KLRF2: variants seen among roughly 807,000 people sequenced by gnomAD.
KLRF2 encodes the protein killer cell lectin like receptor F2, also known as killer cell lectin-like receptor subfamily F member 2.
Under a neutral mutation model 25.3 loss-of-function variants are expected in KLRF2, and 28 were observed. The ratio of observed to expected loss-of-function variants is 1.11; its 90% CI spans 0.82 to 1.52. The LOEUF is 1.52. Among genes scored for constraint, KLRF2 ranks in the 40% most tolerant of loss-of-function variants. KLRF2 has a pLI of 0.00. For missense variants in KLRF2, 265 were observed against 245.8 expected, an observed-to-expected ratio of 1.08 and a Z score of -0.52; for synonymous variants, 73 against 85.0, an observed-to-expected ratio of 0.86 and a Z score of 0.78.
chr12:9,885,074 T>G (rs1868135421), intron 2 of KLRF2, 42 bp downstream of exon 2: 1 of 712,128 alleles, frequency 1.4e-6, no homozygotes, highest in African/African-American at 1.8e-5. Context: ...TTTCAGAAGA[T>G]AAATGTTGAT....
chr12:9,894,120 T>C (rs1862723974), intron 5 of KLRF2, among the ~76,000 whole-genome samples: 1 of 108,706 alleles, frequency 9.2e-6, no homozygotes, highest in Non-Finnish European at 1.8e-5. Context: ...TTTTTCTTTC[T>C]TTTCTTTCTC....
intron 2 of KLRF2, among the ~76,000 whole-genome samples, chr12:9,887,568 G>C (rs909455668): frequency 6.6e-6 from 1 of 152,118 alleles, no homozygotes; most frequent in Non-Finnish European, 1.5e-5. Flanking sequence ...GGCTAACTTT[G>C]GATAGAATGA....
chr12:9,894,729 T>A (rs550836221), intron 5 of KLRF2, among the ~76,000 whole-genome samples: 1 of 152,210 alleles, frequency 6.6e-6, no homozygotes, highest in Non-Finnish European at 1.5e-5. Flanking sequence ...CCTGGATACA[T>A]CTATTCTACA....
At chr12:9,888,054 C>CAAAAAAAAAAAAAAAAAAAAA in intron 2 of KLRF2, among the ~76,000 whole-genome samples, 1 of 65,528 alleles carries the variant, frequency 1.5e-5, no homozygotes, top group Non-Finnish European at 2.6e-5. Flanking sequence ...GACCCTGTGT[C>CAAAAAAAAAAAAAAAAAAAAA]AAAAAAAAAA....
At chr12:9,891,205 T>A (rs1862672625) in intron 3 of KLRF2, among the ~76,000 whole-genome samples, 1 of 152,214 alleles carries the variant, frequency 6.6e-6, no homozygotes, top group Non-Finnish European at 1.5e-5. Flanking sequence ...GAAACCTGCC[T>A]GGCCCACGAC....
At chr12:9,886,781 AAG>A (rs1208094836) in intron 2 of KLRF2, among the ~76,000 whole-genome samples, 26 of 145,156 alleles carry the variant, frequency 1.8e-4, no homozygotes, top group South Asian at 4.3e-4. Context: ...AAAAAAAAAA[AAG>A]AGAGAAGAAC....
At position 9,893,133 on chromosome 12, in the gene KLRF2, GCA is replaced by G. The variant is rs1321088877; in HGVS notation, c.334_335del (p.His112PhefsTer9). On this transcript the variant is annotated frameshift_variant, in exon 4 of 6. Coordinates refer to ENST00000535540, the MANE Select transcript of KLRF2 (RefSeq NM_001190765.1). LOFTEE classifies it high-confidence loss of function. ...TCAACGTGATTGTACACAGCTACAG[GCA>G]CATTTACTGGTGATTCAAAATTTGG... ...ESQRDCTQLQAHLLVIQNLDE... is the reference protein window; with the variant it reads ...ESQRDCTQLQXHLLVIQNLDE... 21 of 1,534,488 alleles carry G rather than the reference GCA, an allele frequency of 1.4e-5. No homozygotes were observed. The highest frequency in any genetic ancestry group is 1.7e-5 in the Non-Finnish European group (20 of 1,146,134).
chr12:9,893,312 A>G, intron 4 of KLRF2, 117 bp from the exon 5 acceptor site: 1 of 841,864 alleles, frequency 1.2e-6, no homozygotes. Flanking sequence ...CATGAAAAAA[A>G]TGCTAATGTA....
intron 3 of KLRF2, among the ~76,000 whole-genome samples, chr12:9,891,633 C>A (rs529507983): frequency 6.6e-6 from 1 of 152,124 alleles, no homozygotes; most frequent in Non-Finnish European, 1.5e-5. Context: ...TGTATTTGTA[C>A]AACTGAAATT....
intron 2 of KLRF2, among the ~76,000 whole-genome samples, chr12:9,886,333 TC>T (rs1220437419): frequency 1.3e-5 from 2 of 151,434 alleles, no homozygotes; most frequent in East Asian, 3.9e-4. Context: ...CAATAATCTA[TC>T]CATAGAAGAA....
intron 5 of KLRF2, among the ~76,000 whole-genome samples, chr12:9,895,046 A>G (rs1862740764): frequency 6.6e-6 from 1 of 152,188 alleles, no homozygotes; most frequent in Non-Finnish European, 1.5e-5. Context: ...CTCTCTTCAA[A>G]GGCATTCCAT....
intron 3 of KLRF2, among the ~76,000 whole-genome samples, chr12:9,890,300 C>T (rs536158227): frequency 6.6e-5 from 10 of 152,304 alleles, no homozygotes; most frequent in Admixed American, 3.3e-4. Flanking sequence ...ACAGTTCCCA[C>T]GAGTTGGGAG....
intron 5 of KLRF2, among the ~76,000 whole-genome samples, chr12:9,895,481 T>G (rs1862746510): frequency 6.6e-6 from 1 of 152,222 alleles, no homozygotes; most frequent in South Asian, 2.1e-4. Context: ...CTGGGATGTC[T>G]TCTAGTGTAG....
intron 3 of KLRF2, among the ~76,000 whole-genome samples, chr12:9,892,580 C>CTT (rs66824753): frequency 0.022 from 2,330 of 104,808 alleles, 118 homozygotes; most frequent in African/African-American, 0.046. Context: ...TACAGAACTG[C>CTT]TTTTTTTTTT....
intron 2 of KLRF2, 29 bp downstream of exon 2, chr12:9,885,061 C>T (rs751128714): frequency 2.3e-6 from 2 of 851,340 alleles, no homozygotes; most frequent in African/African-American, 3.5e-5. Context: ...TTTATTTGAA[C>T]ATTTTCAGAA....
At chr12:9,893,685 CTCT>C (rs1483280592) in intron 5 of KLRF2, 144 bp downstream of exon 5, 3 of 410,170 alleles carry the variant, frequency 7.3e-6, no homozygotes, top group African/African-American at 2.1e-5. Flanking sequence ...TTTTAGCTCT[CTCT>C]TTTCTTTCCT....
At chr12:9,890,558 G>A (rs1488003651) in intron 3 of KLRF2, among the ~76,000 whole-genome samples, 3 of 152,126 alleles carry the variant, frequency 2.0e-5, no homozygotes, top group Non-Finnish European at 2.9e-5. Flanking sequence ...ACACCCTCCC[G>A]AAACATGGAA....
intron 4 of KLRF2, 120 bp downstream of exon 4, chr12:9,893,288 T>A: frequency 1.1e-6 from 1 of 926,264 alleles, no homozygotes; most frequent in Non-Finnish European, 1.6e-6. Context: ...AGCCACAATG[T>A]AGTCACTATT....
intron 2 of KLRF2, 52 bp downstream of exon 2, chr12:9,885,084 T>C: frequency 1.7e-6 from 1 of 601,210 alleles, no homozygotes; most frequent in Non-Finnish European, 2.5e-6. Flanking sequence ...TAAATGTTGA[T>C]CCTTCATTCC....
Sources: allele counts gnomAD v4.1 joint callset (sites outside exome capture counted in the v4.1 genomes callset), GRCh38; gene constraint gnomAD v4.1.1; transcripts MANE v1.5; gene names NCBI Gene and HGNC (gene_info 2026-07-23, HGNC 2026-07-21).